The following PCDH9 variants were observed in gnomAD, a reference collection of about 807,000 sequenced individuals.
PCDH9 encodes the protein protocadherin-9.
PCDH9 carries 24 observed loss-of-function variants against 70.6 expected under a neutral mutation model. The ratio of observed to expected loss-of-function variants is 0.34; its 90% CI spans 0.25 to 0.48. The LOEUF (loss-of-function observed/expected upper bound fraction) is 0.48. Ranked by LOEUF, PCDH9 falls within the 20% of genes least tolerant of loss-of-function variation. The pLI is 0.99. For missense variants in PCDH9, 1,281 were observed against 1,503.6 expected, an observed-to-expected ratio of 0.85 and a Z score of 2.45; for synonymous variants, 562 against 558.5, an observed-to-expected ratio of 1.01 and a Z score of -0.09.
At chr13:66,527,296 G>C (rs1960260389) in intron 4 of PCDH9, among the ~76,000 whole-genome samples, 1 of 151,432 alleles carries the variant, frequency 6.6e-6, no homozygotes, top group Non-Finnish European at 1.5e-5. Context: ...TTTCAGACCA[G>C]CAGATATTGT....
At chr13:66,542,591 G>A (rs1457411271) in intron 4 of PCDH9, among the ~76,000 whole-genome samples, 1 of 151,034 alleles carries the variant, frequency 6.6e-6, no homozygotes, top group African/African-American at 2.4e-5. Flanking sequence ...TCCTACAATC[G>A]TGTGAGCCTA....
intron 4 of PCDH9, among the ~76,000 whole-genome samples, chr13:66,405,560 A>C (rs1957266600): frequency 6.6e-6 from 1 of 152,190 alleles, no homozygotes; most frequent in Admixed American, 6.5e-5. Flanking sequence ...GAAGGTGCCA[A>C]ATACTCATCT....
intron 2 of PCDH9, among the ~76,000 whole-genome samples, chr13:67,081,186 A>G (rs991478079): frequency 1.3e-5 from 2 of 152,240 alleles, no homozygotes; most frequent in African/African-American, 2.4e-5. Context: ...AAGGATATAG[A>G]GAATAATGGC....
chr13:66,987,646 T>A (rs1050919526), intron 2 of PCDH9, among the ~76,000 whole-genome samples: 1 of 152,002 alleles, frequency 6.6e-6, no homozygotes, highest in East Asian at 1.9e-4. Flanking sequence ...AATTGCATAA[T>A]TGCAAAACTG....
At chr13:66,334,833 G>A (rs1956008853) in intron 4 of PCDH9, among the ~76,000 whole-genome samples, 1 of 151,936 alleles carries the variant, frequency 6.6e-6, no homozygotes, top group African/African-American at 2.4e-5. Context: ...ATCAGATAAA[G>A]GCATGAACTT....
intron 2 of PCDH9, among the ~76,000 whole-genome samples, chr13:67,106,596 G>A (rs551191797): frequency 1.2e-4 from 18 of 152,316 alleles, no homozygotes; most frequent in East Asian, 9.7e-4. Context: ...TGGCTGCAGC[G>A]GAGGAGGTGA....
chr13:67,047,932 C>T (rs181731459), intron 2 of PCDH9, among the ~76,000 whole-genome samples: 3 of 152,196 alleles, frequency 2.0e-5, no homozygotes, highest in Admixed American at 6.5e-5. Flanking sequence ...ATTTATGAAC[C>T]GGATTTCCTT....
rs5804281 is a variant in PCDH9, at chr13:66,429,430, GT to G, written c.3341-124403del. Among the ~76,000 whole-genome samples the G allele has an allele frequency of 3.7e-3, 530 of 144,998 alleles. 18 individuals are homozygous for G. In the East Asian group the frequency reaches 0.062, roughly 17 times the overall value. On this transcript the variant is annotated intron_variant, in intron 4 of 4. Transcript: ENST00000377865. ...CTTTTATAGATTTGTTATTTTTTCT[GT>G]TTTTTTTTTTTAATATTTTGCACCC...
chr13:66,893,683 A>G (rs957418073), intron 3 of PCDH9, among the ~76,000 whole-genome samples: 4 of 152,168 alleles, frequency 2.6e-5, no homozygotes, highest in Admixed American at 6.6e-5. Flanking sequence ...TGTGCACGCA[A>G]TAACATATAC....
chr13:67,130,224 G>A (rs1010717412), intron 2 of PCDH9, among the ~76,000 whole-genome samples: 6 of 152,138 alleles, frequency 3.9e-5, no homozygotes, highest in Admixed American at 1.3e-4. Flanking sequence ...TAGCTCTTCA[G>A]TAAAGGGATT....
chr13:66,651,034 C>T (rs1490744327), intron 3 of PCDH9, among the ~76,000 whole-genome samples: 1 of 151,508 alleles, frequency 6.6e-6, no homozygotes, highest in Non-Finnish European at 1.5e-5. Context: ...ACAGCAAAAA[C>T]AATACCCAAA....
intron 3 of PCDH9, among the ~76,000 whole-genome samples, chr13:66,709,686 A>G (rs1386545566): frequency 1.3e-5 from 2 of 152,226 alleles, no homozygotes; most frequent in East Asian, 3.8e-4. Context: ...TAATTTTAAA[A>G]TAAATATGTT....
intron 2 of PCDH9, among the ~76,000 whole-genome samples, chr13:67,200,686 T>C (rs1416152858): frequency 6.6e-6 from 1 of 152,112 alleles, no homozygotes; most frequent in Non-Finnish European, 1.5e-5. Flanking sequence ...TCCTTGTAAC[T>C]GCTTCTCTGC....
rs1297943268 is a variant in PCDH9, at chr13:67,226,090, A to G, written c.2351T>C (p.Ile784Thr). 1.9e-6 allele frequency: 3 copies of G among 1,614,062 alleles called. No individual in the cohort carries two copies. The change falls in exon 2 of 5, where the codon ATC becomes ACC. Residue 784 changes from isoleucine (I) to threonine (T), a missense_variant. Physicochemically the swap from Ile to Thr is moderately conservative, Grantham distance 89. This residue lies in a region of PCDH9 where 798 missense variants were observed against 1,003.1 expected (regional missense o/e 0.80). Transcript: ENST00000377865. This position sits in a 1 kb window ranked among gnomAD's most constrained non-coding sequence, Gnocchi z 5.0. ...VNDTAGNASY[I>T]YDLIRRTMET... ...CATAGTCCTGCGGATCAAGTCATAG[A>G]TATAGGAGGCATTTCCAGCAGTGTC...
At chr13:66,708,104 C>A (rs2078738179) in intron 3 of PCDH9, among the ~76,000 whole-genome samples, 1 of 151,542 alleles carries the variant, frequency 6.6e-6, no homozygotes. Flanking sequence ...GGCTGGAGTG[C>A]AGTGGCGGGA....
intron 4 of PCDH9, among the ~76,000 whole-genome samples, chr13:66,451,987 C>A (rs1302235530): frequency 6.6e-6 from 1 of 152,128 alleles, no homozygotes; most frequent in East Asian, 1.9e-4. Flanking sequence ...GGGCTGAGGT[C>A]TAGACTGTCA....
chr13:66,660,535 GT>G (rs1280807674), intron 3 of PCDH9, among the ~76,000 whole-genome samples: 1 of 152,114 alleles, frequency 6.6e-6, no homozygotes, highest in Non-Finnish European at 1.5e-5. Context: ...CTTCTTTGCA[GT>G]AAAAATCAAA....
At chr13:67,036,574 T>C (rs2085013545) in intron 2 of PCDH9, among the ~76,000 whole-genome samples, 1 of 152,224 alleles carries the variant, frequency 6.6e-6, no homozygotes, top group African/African-American at 2.4e-5. Flanking sequence ...AGTAGATAAA[T>C]GTCAACTTCA....
At chr13:66,798,009 GA>G (rs1381016081) in intron 3 of PCDH9, among the ~76,000 whole-genome samples, 1 of 150,996 alleles carries the variant, frequency 6.6e-6, no homozygotes, top group South Asian at 2.1e-4. Flanking sequence ...AGAAAAATAA[GA>G]AAAAATAGGG....
Sources: allele counts gnomAD v4.1 joint callset (sites outside exome capture counted in the v4.1 genomes callset), GRCh38; gene constraint gnomAD v4.1.1; regional missense constraint gnomAD v4.1.1; non-coding constraint Gnocchi (gnomAD v3.1); transcripts MANE v1.5; gene names NCBI Gene and HGNC (gene_info 2026-07-23, HGNC 2026-07-21).